Variants in DMXL1 observed in about 807,000 individuals in gnomAD.
DMXL1 encodes the protein Dmx like 1.
DMXL1 carries 99 observed loss-of-function variants against 319.2 expected under a neutral mutation model. That is an observed-to-expected ratio of 0.31 (90% confidence interval 0.26 to 0.37). The LOEUF (loss-of-function observed/expected upper bound fraction) is 0.37, where lower values mean the gene tolerates loss of function less well. Among genes scored for constraint, DMXL1 ranks in the 10% least tolerant of loss-of-function variants. DMXL1 has a pLI of 1.00. For synonymous variants in DMXL1, 1,385 were observed against 1,235.2 expected, an observed-to-expected ratio of 1.12 and a Z score of -2.54; for missense variants, 3,745 against 3,595.6, an observed-to-expected ratio of 1.04 and a Z score of -1.06.
rs1280523556 is a variant in DMXL1 at position 119,134,088 on chromosome 5, G to A, written c.2164G>A (p.Val722Ile). 1 of 1,614,146 alleles carries A rather than the reference G, an allele frequency of 6.2e-7. No individual in the cohort carries two copies. The highest frequency in any genetic ancestry group is 1.7e-5 in the Admixed American group (1 of 60,016). Residue 722 changes from valine to isoleucine, a missense_variant, in exon 12 of 44, where the codon GTT becomes ATT. Physicochemically the swap from Val to Ile is conservative, Grantham distance 29. This residue lies in a region of DMXL1 where 2,096 missense variants were observed against 1,985.4 expected (regional missense o/e 1.06). Transcript: ENST00000539542. ...TGGGCCATTGTCTTTTTCTGGAGGA[G>A]TTTCTGAGCTTGCCCGGATTAATTC... ...PVGPLSFSGGVSELARINSLH... is the reference protein window; with the variant it reads ...PVGPLSFSGGISELARINSLH...
intron 22 of DMXL1, among the ~76,000 whole-genome samples, chr5:119,167,161 A>T (rs890952901): frequency 2.6e-5 from 4 of 152,170 alleles, no homozygotes; most frequent in African/African-American, 9.6e-5. Flanking sequence ...CCTTAAAAAA[A>T]TTATGAATAT....
intron 38 of DMXL1, among the ~76,000 whole-genome samples, chr5:119,231,248 T>C (rs1334619120): frequency 6.6e-6 from 1 of 152,218 alleles, no homozygotes; most frequent in East Asian, 1.9e-4. Flanking sequence ...AAAGCACAGG[T>C]TCTGGGTCCA....
intron 8 of DMXL1, among the ~76,000 whole-genome samples, chr5:119,120,309 T>C (rs2149938796): frequency 6.6e-6 from 1 of 152,370 alleles, no homozygotes; most frequent in South Asian, 2.1e-4. Flanking sequence ...ATATAATAAA[T>C]TCTGTATTGA....
intron 13 of DMXL1, among the ~76,000 whole-genome samples, chr5:119,139,618 T>G (rs1200299285): frequency 6.6e-6 from 1 of 152,162 alleles, no homozygotes; most frequent in Non-Finnish European, 1.5e-5. Flanking sequence ...GCACCCAGAT[T>G]CATAAAACAA....
At chr5:119,130,625 G>T (rs1764660399) in intron 10 of DMXL1, among the ~76,000 whole-genome samples, 2 of 152,204 alleles carry the variant, frequency 1.3e-5, no homozygotes, top group South Asian at 4.1e-4. Context: ...TTACAGGCGT[G>T]AGACACCATG....
intron 38 of DMXL1, among the ~76,000 whole-genome samples, chr5:119,228,546 T>C (rs922533211): frequency 1.3e-5 from 2 of 152,170 alleles, no homozygotes; most frequent in African/African-American, 4.8e-5. Flanking sequence ...CATACAAATA[T>C]AATATAAGAA....
chr5:119,112,949 C>T (rs1759993607), intron 5 of DMXL1, among the ~76,000 whole-genome samples: 1 of 151,728 alleles, frequency 6.6e-6, no homozygotes, highest in Non-Finnish European at 1.5e-5. Context: ...GAGTGAGACT[C>T]CATCTCAGTA....
intron 1 of DMXL1, among the ~76,000 whole-genome samples, chr5:119,089,059 A>G (rs868252477): frequency 7.3e-5 from 11 of 151,258 alleles, no homozygotes; most frequent in African/African-American, 2.2e-4. Flanking sequence ...GCAAGTCTTA[A>G]TGGTGGTGAA....
At chr5:119,145,046 A>G (rs960764287) in intron 15 of DMXL1, among the ~76,000 whole-genome samples, 1 of 151,794 alleles carries the variant, frequency 6.6e-6, no homozygotes, top group African/African-American at 2.4e-5. Context: ...TGCTTTTATA[A>G]TAAAAGTTTT....
At chr5:119,121,569 C>T (rs1043581107) in intron 9 of DMXL1, among the ~76,000 whole-genome samples, 2 of 152,064 alleles carry the variant, frequency 1.3e-5, no homozygotes, top group Non-Finnish European at 2.9e-5. Flanking sequence ...GTGGACACAG[C>T]ACATGTTTCA....
At chr5:119,211,537 C>T (rs1782808298) in intron 34 of DMXL1, among the ~76,000 whole-genome samples, 1 of 152,100 alleles carries the variant, frequency 6.6e-6, no homozygotes, top group South Asian at 2.1e-4. Context: ...GTGTAGAATC[C>T]ATGGTGATGC....
At chr5:119,116,442 C>G (rs1345425729) in intron 7 of DMXL1, 106 bp downstream of exon 7, 1 of 1,223,938 alleles carries the variant, frequency 8.2e-7, no homozygotes, top group Non-Finnish European at 1.2e-6. Context: ...ACTTCTGAGC[C>G]TATGAAGATT....
intron 34 of DMXL1, among the ~76,000 whole-genome samples, chr5:119,207,811 C>T (rs181242944): frequency 1.7e-4 from 26 of 152,244 alleles, no homozygotes; most frequent in African/African-American, 4.3e-4. Flanking sequence ...CGTGAGCCAC[C>T]GCGCCTGGCC....
chr5:119,141,939 A>G (rs1228442723), intron 13 of DMXL1, among the ~76,000 whole-genome samples: 2 of 145,694 alleles, frequency 1.4e-5, no homozygotes, highest in East Asian at 1.9e-4. Flanking sequence ...GGAACACAAT[A>G]GAGAATCCAG....
chr5:119,246,893 A>G, intron 43 of DMXL1, 102 bp from the exon 44 acceptor site: 2 of 815,456 alleles, frequency 2.5e-6, no homozygotes, highest in South Asian at 3.6e-5. Flanking sequence ...TTGACCTCCC[A>G]AAGTGCTGGG....
chr5:119,205,267 A>G (rs886645964), intron 33 of DMXL1, among the ~76,000 whole-genome samples: 3 of 152,148 alleles, frequency 2.0e-5, no homozygotes, highest in Non-Finnish European at 4.4e-5. Flanking sequence ...CAAAAAAACT[A>G]TTGAGCCATT....
chr5:119,181,198 C>T (rs996946322), intron 28 of DMXL1, among the ~76,000 whole-genome samples: 1 of 152,148 alleles, frequency 6.6e-6, no homozygotes, highest in South Asian at 2.1e-4. Context: ...AAGCTGTATC[C>T]TACCACTTAT....
Position 119,244,539 on chromosome 5 carries a change from A to G in DMXL1, c.8885A>G (p.Glu2962Gly), listed in dbSNP as rs145595758. 21 of 1,614,084 alleles carry G rather than the reference A, an allele frequency of 1.3e-5. No individual in the cohort carries two copies. The African/African-American group carries it at 2.4e-4, about 18-fold the overall frequency. ...VKAVAVDPTE[E>G]YFVTGSAEGN... is the part of the protein sequence containing the mutation. ...GCCGTTGCTGTTGATCCAACTGAAG[A>G]GTACTTTGTTACAGGATCTGCCGAA... The change falls in exon 43 of 44, where the codon GAG (glutamate) becomes GGG (glycine). Residue 2962 changes from glutamate (E) to glycine (G), a missense_variant. This residue lies in a region of DMXL1 where 262 missense variants were observed against 320.5 expected (regional missense o/e 0.82). Coordinates refer to ENST00000539542, the MANE Select transcript of DMXL1 (RefSeq NM_001290321.3).
intron 4 of DMXL1, 128 bp downstream of exon 4, chr5:119,105,386 ATT>A: frequency 1.5e-6 from 1 of 674,930 alleles, no homozygotes; most frequent in South Asian, 1.9e-5. Context: ...AGTAAAATGG[ATT>A]ATGCCCTTTT....
Sources: allele counts gnomAD v4.1 joint callset (sites outside exome capture counted in the v4.1 genomes callset), GRCh38; gene constraint gnomAD v4.1.1; regional missense constraint gnomAD v4.1.1; transcripts MANE v1.5; gene names NCBI Gene and HGNC (gene_info 2026-07-23, HGNC 2026-07-21).